The following INSIG2 variants were observed in gnomAD, a reference collection of about 807,000 sequenced individuals.
INSIG2 encodes the protein insulin induced gene 2.
Under a neutral mutation model 27.2 loss-of-function variants are expected in INSIG2, and 10 were observed. The ratio of observed to expected loss-of-function variants is 0.37; its 90% CI spans 0.23 to 0.62. The LOEUF (loss-of-function observed/expected upper bound fraction) is 0.62. INSIG2 is among the 20% of genes least tolerant of loss of function. The pLI is 0.65. For synonymous variants in INSIG2, 97 were observed against 95.8 expected, an observed-to-expected ratio of 1.01 and a Z score of -0.07; for missense variants, 178 against 270.2, an observed-to-expected ratio of 0.66 and a Z score of 2.39.
At chr2:118,099,732 G>C (rs1385248534) in intron 2 of INSIG2, among the ~76,000 whole-genome samples, 6 of 152,208 alleles carry the variant, frequency 3.9e-5, no homozygotes, top group African/African-American at 1.4e-4. Flanking sequence ...TAGCTGTGCA[G>C]TCCCTTGCCC....
intron 1 of INSIG2, among the ~76,000 whole-genome samples, chr2:118,093,861 GAT>G (rs1440661233): frequency 0.041 from 3,864 of 93,252 alleles, 336 homozygotes; most frequent in South Asian, 0.077. Flanking sequence ...TGATGATGAT[GAT>G]GAGGAGGAGG....
At chr2:118,103,070 T>C in intron 2 of INSIG2, 127 bp from the exon 3 acceptor site, 2 of 738,676 alleles carry the variant, frequency 2.7e-6, no homozygotes, top group Non-Finnish European at 4.0e-6. Context: ...GTGAAATAAC[T>C]TTTTTTTTTG....
intron 2 of INSIG2, among the ~76,000 whole-genome samples, chr2:118,100,774 G>A (rs577595684): frequency 9.2e-5 from 14 of 152,236 alleles, no homozygotes; most frequent in Non-Finnish European, 4.4e-5. Flanking sequence ...GTTTTGCGTC[G>A]AAGTATACCT....
In INSIG2 at chr2:118,091,302, G is replaced by C. The variant is rs573342235; in HGVS notation, c.-139+2761G>C. Among the ~76,000 whole-genome samples, 10 of 152,284 alleles carry C rather than the reference G, an allele frequency of 6.6e-5. No homozygotes were observed. In the East Asian group the frequency reaches 1.9e-3, roughly 29 times the overall value. On this transcript the variant is annotated intron_variant, in intron 1 of 5. Transcript: ENST00000245787. Reference sequence around the variant, plus strand: ...TAGGGGGTGAAATGGTTTTGTGGACGCCTCTATCCCTTTGATGAGTCTGGT... The same window carrying C: ...TAGGGGGTGAAATGGTTTTGTGGACCCCTCTATCCCTTTGATGAGTCTGGT...
chr2:118,110,556 C>T lies in INSIG2; in HGVS notation c.*2234C>T, dbSNP rs1678788589. On this transcript the variant is annotated 3_prime_UTR_variant, in exon 6 of 6. Transcript: ENST00000245787. ...TTCAAGGGTCAACTGTGTGTGGTAT[C>T]GGTGAGACTGAATGATTATCGTTGG... 6.6e-6 allele frequency: 1 copy of T among 151,906 alleles called. No homozygotes were observed. The highest frequency in any genetic ancestry group is 1.5e-5 in the Non-Finnish European group (1 of 67,982). 9.4% of individuals were successfully genotyped at this position (151,906 alleles called of 1,614,324 possible). A position where few individuals can be genotyped will look rare whatever the true frequency, so the allele number is the denominator to read the frequency against.
intron 1 of INSIG2, among the ~76,000 whole-genome samples, chr2:118,088,994 C>T (rs1678161546): frequency 6.6e-6 from 1 of 152,156 alleles, no homozygotes; most frequent in Non-Finnish European, 1.5e-5. Flanking sequence ...AGTTTATAAT[C>T]CACTAAGGAG....
chr2:118,109,647 GCATGTGGC>G lies in INSIG2; in HGVS notation c.*1330_*1337del, dbSNP rs1678765538. On this transcript the variant is annotated 3_prime_UTR_variant, in exon 6 of 6. Transcript: ENST00000245787. The stretch of plus-strand genomic sequence containing the variant: ...GGAGTGAGTGAGAGAATGTGTCTGT[GCATGTGGC>G]CATGCTTTCCTAGAATGTCAAGTAG... 6.6e-6 allele frequency: 1 copy of G among 152,330 alleles called. No homozygotes were observed. Among genetic ancestry groups the G allele is most frequent in the African/African-American group, 2.4e-5 (1 of 41,328 alleles). 9.4% of individuals were successfully genotyped at this position (152,330 alleles called of 1,614,324 possible).
chr2:118,093,235 ATG>A (rs1342391109), intron 1 of INSIG2, among the ~76,000 whole-genome samples: 2 of 79,170 alleles, frequency 2.5e-5, no homozygotes, highest in African/African-American at 5.8e-5. Flanking sequence ...GATGATGATG[ATG>A]ATGATGATGA....
chr2:118,106,488 G>T (rs1678675304), intron 3 of INSIG2, among the ~76,000 whole-genome samples: 1 of 152,030 alleles, frequency 6.6e-6, no homozygotes, highest in Non-Finnish European at 1.5e-5. Flanking sequence ...GTTTTGTTTT[G>T]TTTTTTGTTT....
chr2:118,103,083 T>G (rs899809346), intron 2 of INSIG2, 114 bp from the exon 3 acceptor site: 40 of 1,003,006 alleles, frequency 4.0e-5, no homozygotes, highest in Non-Finnish European at 5.0e-5. Context: ...TTTTTTTGTT[T>G]TTTTTTTTTT....
At chr2:118,098,634 G>A in intron 2 of INSIG2, among the ~76,000 whole-genome samples, 1 of 152,160 alleles carries the variant, frequency 6.6e-6, no homozygotes, top group South Asian at 2.1e-4. Context: ...CTTAACTGAG[G>A]TTTCATTGTA....
intron 3 of INSIG2, among the ~76,000 whole-genome samples, chr2:118,105,685 T>C (rs1678656288): frequency 1.3e-5 from 2 of 152,174 alleles, no homozygotes; most frequent in South Asian, 4.1e-4. Context: ...TTAGGATACT[T>C]GCTTGGTAGG....
intron 3 of INSIG2, 148 bp downstream of exon 3, chr2:118,103,469 C>T (rs1179096372): frequency 2.3e-5 from 14 of 619,416 alleles, no homozygotes; most frequent in South Asian, 9.5e-5. Context: ...GTTGAAACAT[C>T]GGTGTAGCAG....
chr2:118,088,836 G>A lies in INSIG2; in HGVS notation c.-139+295G>A, dbSNP rs541015236. 2.0e-5 allele frequency among the ~76,000 whole-genome samples: 3 copies of A among 152,292 alleles called. No homozygotes were observed. The South Asian group carries it at 6.2e-4, about 32-fold the overall frequency. On this transcript the variant is annotated intron_variant, in intron 1 of 5. Transcript: ENST00000245787. ...CTGAGCGGGAAGAAGGCTGGAGGAC[G>A]GCGAGAAGGGCGACCCAATGGTCTG...
rs183030495 is a variant in INSIG2 at position 118,101,412 on chromosome 2, A to T, written c.245-1785A>T. ...CTTGCAAGTCTGACATCACATGCAT[A>T]AAAATATAGTCGATTTTACTTATTT... On this transcript the variant is annotated intron_variant, in intron 2 of 5. Coordinates refer to ENST00000245787, the MANE Select transcript of INSIG2 (RefSeq NM_016133.4). Among the ~76,000 whole-genome samples the T allele has an allele frequency of 6.9e-4, 105 of 152,332 alleles. 1 individual carries two copies. The highest frequency in any genetic ancestry group is 3.4e-3 in the Middle Eastern group (1 of 294).
At chr2:118,098,504 A>G (rs1678464960) in intron 2 of INSIG2, among the ~76,000 whole-genome samples, 1 of 152,160 alleles carries the variant, frequency 6.6e-6, no homozygotes, top group East Asian at 1.9e-4. Context: ...GGAAGGGAAA[A>G]GGAAGCTACT....
At chr2:118,099,045 C>T (rs556314972) in intron 2 of INSIG2, among the ~76,000 whole-genome samples, 1 of 152,162 alleles carries the variant, frequency 6.6e-6, no homozygotes, top group African/African-American at 2.4e-5. Context: ...AAAATGGATT[C>T]TCTCAAAATC....
At chr2:118,103,590 A>G (rs576464537) in intron 3 of INSIG2, among the ~76,000 whole-genome samples, 68 of 152,312 alleles carry the variant, frequency 4.5e-4, no homozygotes, top group African/African-American at 1.6e-3. Context: ...AAATTTGGTT[A>G]CTTAATTACT....
chr2:118,091,202 ACC>A (rs1678216988), intron 1 of INSIG2, among the ~76,000 whole-genome samples: 1 of 152,198 alleles, frequency 6.6e-6, no homozygotes, highest in Admixed American at 6.5e-5. Context: ...CTTGAAAATA[ACC>A]CACTCCTCTG....
Sources: allele counts gnomAD v4.1 joint callset (sites outside exome capture counted in the v4.1 genomes callset), GRCh38; gene constraint gnomAD v4.1.1; transcripts MANE v1.5; gene names NCBI Gene and HGNC (gene_info 2026-07-23, HGNC 2026-07-21).